ODAD1: variants seen among roughly 807,000 people sequenced by gnomAD.
ODAD1 encodes outer dynein arm-docking complex subunit 1.
ODAD1 carries 49 observed loss-of-function variants against 67.2 expected under a neutral mutation model. That is an observed-to-expected ratio of 0.73 (90% CI 0.58 to 0.92). The LOEUF (loss-of-function observed/expected upper bound fraction) is 0.92. Ranked by LOEUF, ODAD1 falls within the 40% of genes least tolerant of loss-of-function variation. The pLI is 0.00. For missense variants in ODAD1, 897 were observed against 953.7 expected (o/e 0.94, Z 0.78); for synonymous variants, 345 against 393.7 (o/e 0.88, Z 1.46).
intron 3 of ODAD1, chr19:48,319,488 C>A (rs1030770190): frequency 1.7e-5 from 16 of 968,540 alleles, no homozygotes; most frequent in Non-Finnish European, 2.0e-5. Flanking sequence ...AGTTTTCAAT[C>A]AGCGGGTGAT....
At chr19:48,313,288 C>T (rs929376742) in intron 5 of ODAD1, among the ~76,000 whole-genome samples, 2 of 151,852 alleles carry the variant, frequency 1.3e-5, no homozygotes, top group African/African-American at 4.8e-5. Flanking sequence ...ATTAGCAAGG[C>T]GTGGTGGCAG....
At position 48,297,010 on chromosome 19, in the gene ODAD1, G is replaced by A. The variant is rs768598609; in HGVS notation, c.2090C>T (p.Pro697Leu). 43 of 1,609,510 alleles carry A rather than the reference G, an allele frequency of 2.7e-5. No homozygotes were observed. Among genetic ancestry groups the A allele is most frequent in the Middle Eastern group, 3.7e-4 (2 of 5,394 alleles). The change falls in exon 16 of 16, where the codon CCG (proline) becomes CTG (leucine). Residue 697 changes from proline (P) to leucine (L), a missense_variant. Coordinates refer to ENST00000674294, the MANE Select transcript of ODAD1 (RefSeq NM_001364171.2). ...SSTGPASSTG[P>L]GSSTSKDSRG ...GGAGTCTTTGCTGGTGGAGGAGCCC[G>A]GGCCAGTGCTGGAGGCAGGGCCGGT...
intron 3 of ODAD1, 124 bp from the exon 4 acceptor site, chr19:48,318,936 C>T (rs1968971412): frequency 1.6e-6 from 1 of 636,664 alleles, no homozygotes; most frequent in Admixed American, 2.5e-5. Flanking sequence ...CAGATCCAGC[C>T]CCCAACACCC....
chr19:48,313,213 G>A (rs960430532), intron 5 of ODAD1, among the ~76,000 whole-genome samples: 2 of 152,130 alleles, frequency 1.3e-5, no homozygotes, highest in Non-Finnish European at 2.9e-5. Flanking sequence ...TGAATCAGCT[G>A]AGGTCAGGAG....
chr19:48,306,958 G>A (rs1231217529), intron 7 of ODAD1, among the ~76,000 whole-genome samples: 2 of 151,966 alleles, frequency 1.3e-5, no homozygotes, highest in Non-Finnish European at 2.9e-5. Flanking sequence ...CAAGACGGGA[G>A]GATCACCTGA....
At chr19:48,304,191 C>G in intron 8 of ODAD1, 51 bp from the exon 9 acceptor site, 1 of 1,525,822 alleles carries the variant, frequency 6.6e-7, no homozygotes, top group Non-Finnish European at 8.8e-7. Context: ...CTGGGGTCGG[C>G]CTGGGGTCCT....
chr19:48,314,554 C>T (rs192478849), intron 5 of ODAD1, among the ~76,000 whole-genome samples: 17 of 152,258 alleles, frequency 1.1e-4, no homozygotes, highest in African/African-American at 3.4e-4. Flanking sequence ...TAAGGCAGTT[C>T]ACAAGTTCAA....
chr19:48,300,726 C>T (rs1374631204), intron 12 of ODAD1, among the ~76,000 whole-genome samples: 2 of 152,132 alleles, frequency 1.3e-5, no homozygotes, highest in Non-Finnish European at 2.9e-5. Flanking sequence ...AGGAACTTTA[C>T]AAAAACATCT....
At chr19:48,321,480 A>C (rs371544128) in intron 1 of ODAD1, 198 bp downstream of exon 1, 58 of 232,382 alleles carry the variant, frequency 2.5e-4, no homozygotes, top group African/African-American at 1.2e-3. Flanking sequence ...ACACCAGTAC[A>C]GGACGGGGCT....
At chr19:48,306,408 A>G in intron 7 of ODAD1, 85 bp from the exon 8 acceptor site, 1 of 1,161,530 alleles carries the variant, frequency 8.6e-7, no homozygotes. Flanking sequence ...TGCTTCTCCA[A>G]TAAGGAGTAA....
At chr19:48,301,199 T>G (rs973134438) in intron 12 of ODAD1, 2 of 150,750 alleles carry the variant, frequency 1.3e-5, no homozygotes, top group African/African-American at 4.9e-5. Flanking sequence ...GACTCCCATA[T>G]GCTCGCATAG....
At chr19:48,317,100 G>A (rs1355419236) in intron 5 of ODAD1, among the ~76,000 whole-genome samples, 1 of 152,148 alleles carries the variant, frequency 6.6e-6, no homozygotes, top group East Asian at 1.9e-4. Context: ...GGCTCAAGTA[G>A]CTCTGCCCCC....
Position 48,312,047 on chromosome 19 carries a change from G to T in ODAD1, c.430C>A (p.Gln144Lys). ...ATCCTTCGCCTGATCTTGACCTTCT[G>T]ATCCAGGATGAATCCCGGGGACCTG... ...NVRSPGFILDQKVKIRRRIRI... is the reference protein window; with the variant it reads ...NVRSPGFILDKKVKIRRRIRI... The change falls in exon 6 of 16, where the codon CAG (glutamine) becomes AAG (lysine). Residue 144 changes from glutamine (Q) to lysine (K), a missense_variant. Coordinates refer to ENST00000674294, the MANE Select transcript of ODAD1 (RefSeq NM_001364171.2). 1 of 1,550,372 alleles carries T rather than the reference G, an allele frequency of 6.5e-7. No individual in the cohort carries two copies. Among genetic ancestry groups the T allele is most frequent in the Non-Finnish European group, 8.7e-7 (1 of 1,145,562 alleles).
At chr19:48,311,958 C>A (rs766780951) in intron 6 of ODAD1, 36 bp downstream of exon 6, 2 of 1,545,456 alleles carry the variant, frequency 1.3e-6, no homozygotes, top group South Asian at 2.4e-5. Flanking sequence ...CATAACCGCA[C>A]AATTCAGGTC....
intron 5 of ODAD1, among the ~76,000 whole-genome samples, chr19:48,313,298 G>C (rs1051513930): frequency 4.6e-5 from 7 of 151,862 alleles, no homozygotes; most frequent in African/African-American, 1.7e-4. Context: ...CGTGGTGGCA[G>C]GCACCTGTAA....
intron 12 of ODAD1, among the ~76,000 whole-genome samples, chr19:48,299,827 A>T (rs1968411760): frequency 6.6e-6 from 1 of 151,370 alleles, no homozygotes; most frequent in Non-Finnish European, 1.5e-5. Context: ...ATAATAATAG[A>T]AAAAAAGGAT....
At chr19:48,311,706 C>A in intron 6 of ODAD1, 40 bp from the exon 7 acceptor site, 1 of 1,229,164 alleles carries the variant, frequency 8.1e-7, no homozygotes, top group Non-Finnish European at 1.2e-6. Flanking sequence ...GGTCTGAAGC[C>A]AAGTCTGCCT....
intron 3 of ODAD1, chr19:48,319,318 CA>C (rs757675144): frequency 2.1e-5 from 8 of 389,290 alleles, no homozygotes; most frequent in Non-Finnish European, 2.5e-5. Flanking sequence ...AACCCTACCC[CA>C]CCCACAGCAG....
rs902905956 is a variant in ODAD1 at position 48,320,320 on chromosome 19, C to T, written c.49G>A (p.Glu17Lys). 3 of 1,288,882 alleles carry T rather than the reference C, an allele frequency of 2.3e-6. No homozygotes were observed. Among genetic ancestry groups the T allele is most frequent in the East Asian group, 1.1e-4 (2 of 18,002 alleles). The allele number at this position is 1,288,882 out of a possible 1,614,324, so 79.8% of individuals were successfully genotyped here. The change falls in exon 3 of 16, where the codon GAG (glutamate) becomes AAG (lysine). Residue 17 changes from glutamate to lysine, a missense_variant. Physicochemically the swap from Glu to Lys is moderately conservative, Grantham distance 56. Coordinates refer to ENST00000674294, the MANE Select transcript of ODAD1 (RefSeq NM_001364171.2). The stretch of plus-strand genomic sequence containing the variant: ...TTACCCATTCCCTCCAGAAATGCCT[C>T]GCTTCCCTCCTCGGAGCGGGCGCTC... Reference protein sequence around the residue: ...AGSARSEEGSEAFLEGMVDWE... With the variant: ...AGSARSEEGSKAFLEGMVDWE...
Sources: allele counts gnomAD v4.1 joint callset (sites outside exome capture counted in the v4.1 genomes callset), GRCh38; gene constraint gnomAD v4.1.1; transcripts MANE v1.5; gene names NCBI Gene and HGNC (gene_info 2026-07-23, HGNC 2026-07-21).